The following MAP2 variants were observed in gnomAD, a reference collection of about 807,000 sequenced individuals.
MAP2 encodes microtubule associated protein 2.
Under a neutral mutation model 137.6 loss-of-function variants are expected in MAP2, and 14 were observed. The observed-to-expected ratio is 0.10, with a 90% CI of 0.07 to 0.16. The LOEUF is 0.16. Among genes scored for constraint, MAP2 ranks in the 10% least tolerant of loss-of-function variants. The pLI is 1.00. For synonymous variants in MAP2, 786 were observed against 782.3 expected (o/e 1.00, Z -0.08); for missense variants, 2,088 against 2,191.5 (o/e 0.95, Z 0.94).
At chr2:209,597,012 G>C (rs1014925505) in intron 3 of MAP2, among the ~76,000 whole-genome samples, 17 of 152,116 alleles carry the variant, frequency 1.1e-4, no homozygotes, top group Non-Finnish European at 2.5e-4. Context: ...GTAACTAGCT[G>C]TGACCATATG....
chr2:209,481,613 A>G (rs1708803917), intron 1 of MAP2, among the ~76,000 whole-genome samples: 2 of 152,328 alleles, frequency 1.3e-5, no homozygotes, highest in South Asian at 2.1e-4. Context: ...TCTAAATCAC[A>G]TAAAATTGGC....
intron 1 of MAP2, among the ~76,000 whole-genome samples, chr2:209,492,546 G>C (rs112015847): frequency 2.0e-5 from 3 of 152,048 alleles, no homozygotes; most frequent in Non-Finnish European, 4.4e-5. Context: ...AAACACCATC[G>C]TCAGGCCCAA....
chr2:209,629,523 C>T (rs551763890), intron 4 of MAP2, among the ~76,000 whole-genome samples: 1 of 152,304 alleles, frequency 6.6e-6, no homozygotes, highest in East Asian at 1.9e-4. Context: ...AATACTTTGA[C>T]TTGCACTGAT....
At chr2:209,624,624 A>C (rs767539087) in intron 3 of MAP2, among the ~76,000 whole-genome samples, 134 of 152,278 alleles carry the variant, frequency 8.8e-4, no homozygotes, top group Non-Finnish European at 1.6e-3. Flanking sequence ...TGTGCTGGAG[A>C]GAATCAATGC....
chr2:209,532,434 T>C (rs2065263916), intron 2 of MAP2, among the ~76,000 whole-genome samples: 1 of 152,134 alleles, frequency 6.6e-6, no homozygotes, highest in Non-Finnish European at 1.5e-5. Flanking sequence ...CTTTAGCAGT[T>C]CCAAAAACTA....
chr2:209,501,288 T>G (rs1176996711), intron 1 of MAP2, among the ~76,000 whole-genome samples: 2 of 152,152 alleles, frequency 1.3e-5, no homozygotes, highest in African/African-American at 4.8e-5. Context: ...AGCTCACAAT[T>G]AATTTTGATA....
At chr2:209,665,055 T>A (rs1170275877) in intron 5 of MAP2, among the ~76,000 whole-genome samples, 3 of 151,570 alleles carry the variant, frequency 2.0e-5, no homozygotes, top group Non-Finnish European at 4.4e-5. Context: ...CAGTCTAGAT[T>A]CAAAGTAAGG....
intron 1 of MAP2, among the ~76,000 whole-genome samples, chr2:209,428,921 T>C (rs929205834): frequency 6.8e-6 from 1 of 146,134 alleles, no homozygotes; most frequent in African/African-American, 2.5e-5. Flanking sequence ...TACTTTATTT[T>C]ATTTTATTTA....
intron 5 of MAP2, chr2:209,661,625 G>A (rs2043677529): frequency 3.0e-6 from 3 of 985,348 alleles, no homozygotes; most frequent in South Asian, 4.7e-5. Flanking sequence ...TTAGGCATCC[G>A]GGGCTAGAAA....
chr2:209,645,944 G>C (rs1018127539), intron 4 of MAP2, among the ~76,000 whole-genome samples: 1 of 152,178 alleles, frequency 6.6e-6, no homozygotes, highest in African/African-American at 2.4e-5. Flanking sequence ...CCAGCACTTT[G>C]AGAGGTCAAG....
At chr2:209,544,366 G>A (rs2067627908) in intron 2 of MAP2, among the ~76,000 whole-genome samples, 1 of 152,174 alleles carries the variant, frequency 6.6e-6, no homozygotes, top group Non-Finnish European at 1.5e-5. Context: ...GGTATTGGGA[G>A]AAATCTTTTT....
intron 1 of MAP2, among the ~76,000 whole-genome samples, chr2:209,489,822 G>A (rs1400465247): frequency 6.6e-6 from 1 of 152,216 alleles, no homozygotes; most frequent in Non-Finnish European, 1.5e-5. Flanking sequence ...ATTGATTGGT[G>A]TATCTGAAAG....
intron 5 of MAP2, among the ~76,000 whole-genome samples, chr2:209,657,971 A>G (rs2041712273): frequency 6.6e-6 from 1 of 152,156 alleles, no homozygotes; most frequent in East Asian, 1.9e-4. Flanking sequence ...AATGGCTTGT[A>G]ATAATTCTTT....
intron 1 of MAP2, among the ~76,000 whole-genome samples, chr2:209,433,874 C>G (rs1305939156): frequency 6.6e-6 from 1 of 151,574 alleles, no homozygotes; most frequent in African/African-American, 2.4e-5. Context: ...CAGAAAAGTA[C>G]AAATTCATGT....
intron 2 of MAP2, among the ~76,000 whole-genome samples, chr2:209,535,067 C>T (rs943103039): frequency 6.6e-6 from 1 of 152,062 alleles, no homozygotes; most frequent in African/African-American, 2.4e-5. Context: ...TACCTCCCCA[C>T]CCTTTCATGT....
At chr2:209,658,749 C>T (rs2042050391) in intron 5 of MAP2, among the ~76,000 whole-genome samples, 1 of 152,100 alleles carries the variant, frequency 6.6e-6, no homozygotes, top group African/African-American at 2.4e-5. Context: ...TCAGGTGATC[C>T]ACCCACCTCG....
intron 2 of MAP2, among the ~76,000 whole-genome samples, chr2:209,512,181 T>C (rs893988900): frequency 3.9e-5 from 6 of 152,102 alleles, no homozygotes; most frequent in African/African-American, 1.2e-4. Flanking sequence ...AATTGTAACT[T>C]TTAGTCCACT....
chr2:209,616,983 G>C (rs2089673125), intron 3 of MAP2, among the ~76,000 whole-genome samples: 1 of 152,036 alleles, frequency 6.6e-6, no homozygotes, highest in Non-Finnish European at 1.5e-5. Flanking sequence ...CATGGCCTCT[G>C]TGCAACATTC....
At chr2:209,549,526 T>A (rs1390159457) in intron 2 of MAP2, among the ~76,000 whole-genome samples, 1 of 152,174 alleles carries the variant, frequency 6.6e-6, no homozygotes, top group Non-Finnish European at 1.5e-5. Context: ...CCAAAGTATA[T>A]TAATTAATAA....
Sources: allele counts gnomAD v4.1 joint callset (sites outside exome capture counted in the v4.1 genomes callset), GRCh38; gene constraint gnomAD v4.1.1; transcripts MANE v1.5; gene names NCBI Gene and HGNC (gene_info 2026-07-23, HGNC 2026-07-21).